Variants in TRIM9 observed in about 807,000 individuals in gnomAD.
TRIM9 encodes the protein tripartite motif containing 9.
Under a neutral mutation model 78.3 loss-of-function variants are expected in TRIM9, and 26 were observed. That is an observed-to-expected ratio of 0.33 (90% CI 0.24 to 0.46). The LOEUF (loss-of-function observed/expected upper bound fraction) is 0.46. Among genes scored for constraint, TRIM9 ranks in the 20% least tolerant of loss-of-function variants. TRIM9 has a pLI of 1.00. For synonymous variants in TRIM9, 398 were observed against 416.5 expected (o/e 0.96, Z 0.54); for missense variants, 787 against 1,036.4 (o/e 0.76, Z 3.30).
intron 2 of TRIM9, 114 bp downstream of exon 2, chr14:51,025,151 C>G: frequency 1.0e-6 from 1 of 961,498 alleles, no homozygotes. Flanking sequence ...ACAACAACCA[C>G]AAAATAGGAA....
At chr14:51,044,774 C>T (rs548976554) in intron 1 of TRIM9, among the ~76,000 whole-genome samples, 14 of 152,306 alleles carry the variant, frequency 9.2e-5, no homozygotes, top group Non-Finnish European at 1.9e-4. Flanking sequence ...CCTAATCTAA[C>T]TTGTACAAGA....
chr14:51,051,113 A>G (rs974835143), intron 1 of TRIM9, among the ~76,000 whole-genome samples: 2 of 152,238 alleles, frequency 1.3e-5, no homozygotes, highest in South Asian at 4.1e-4. Flanking sequence ...TCTAAGCATG[A>G]TGAAAAGTCA....
chr14:51,001,989 T>C (rs892823694), intron 5 of TRIM9, among the ~76,000 whole-genome samples: 25 of 152,240 alleles, frequency 1.6e-4, no homozygotes, highest in Admixed American at 6.5e-5. Context: ...GTGACTCTTT[T>C]CTAGTACTTA....
chr14:51,025,284 T>A lies in TRIM9; in HGVS notation c.899A>T (p.Asn300Ile), dbSNP rs147745993. The change falls in exon 2 of 13, where the codon AAC (asparagine) becomes ATC (isoleucine). Residue 300 changes from asparagine (N) to isoleucine (I), a missense_variant. By Grantham distance (149) the Asn-to-Ile change is moderately radical. Around this residue, in one of 3 missense-constraint regions of TRIM9, gnomAD observed 352 missense variants for 472.3 expected, o/e 0.75. Coordinates refer to ENST00000684578, the MANE Select transcript of TRIM9 (RefSeq NM_001387360.1). ...CCATACCTGGATCTGCTGGACCATG[T>A]TGCGCAGCTGTACCAGAAACTCCTT... ...EAKEFLVQLR[N>I]MVQQIQENSV... 25 of 1,614,064 alleles carry A rather than the reference T, an allele frequency of 1.5e-5. No homozygotes were observed. Among genetic ancestry groups the A allele is most frequent in the African/African-American group, 2.7e-5 (2 of 74,924 alleles).
chr14:51,071,333 G>C (rs866329295), intron 1 of TRIM9, among the ~76,000 whole-genome samples: 1 of 145,020 alleles, frequency 6.9e-6, no homozygotes, highest in African/African-American at 2.6e-5. Context: ...CCGAGACTGC[G>C]CCATTGTATT....
At chr14:51,007,277 G>A (rs1298449996) in intron 5 of TRIM9, among the ~76,000 whole-genome samples, 3 of 152,246 alleles carry the variant, frequency 2.0e-5, no homozygotes, top group Non-Finnish European at 4.4e-5. Flanking sequence ...AAAGAATTGG[G>A]AATAGAGAGA....
At chr14:50,998,922 G>A (rs1185741135) in intron 6 of TRIM9, among the ~76,000 whole-genome samples, 1 of 152,186 alleles carries the variant, frequency 6.6e-6, no homozygotes, top group African/African-American at 2.4e-5. Context: ...GCCTTAATAT[G>A]ACAACTCTCT....
chr14:51,044,751 T>C (rs2059821392), intron 1 of TRIM9, among the ~76,000 whole-genome samples: 1 of 152,212 alleles, frequency 6.6e-6, no homozygotes, highest in South Asian at 2.1e-4. Context: ...CCTTGTTTTG[T>C]TATATGGCTA....
At chr14:50,981,699 A>G (rs1412861317) in intron 11 of TRIM9, 101 bp downstream of exon 11, 12 of 1,481,426 alleles carry the variant, frequency 8.1e-6, no homozygotes, top group African/African-American at 1.4e-5. Flanking sequence ...CACCTGTTTG[A>G]TTTCCTGAAT....
intron 1 of TRIM9, among the ~76,000 whole-genome samples, chr14:51,056,554 A>G (rs945233000): frequency 6.6e-6 from 1 of 152,240 alleles, no homozygotes; most frequent in Non-Finnish European, 1.5e-5. Flanking sequence ...CAGTTTGGAA[A>G]TGTCACTTCA....
intron 3 of TRIM9, among the ~76,000 whole-genome samples, chr14:51,021,141 G>C (rs148907856): frequency 5.6e-4 from 86 of 152,294 alleles, no homozygotes; most frequent in African/African-American, 1.9e-3. Flanking sequence ...GTTTCTGAAG[G>C]GTGCTCAGAT....
At chr14:51,045,810 T>C (rs2059907670) in intron 1 of TRIM9, among the ~76,000 whole-genome samples, 1 of 152,194 alleles carries the variant, frequency 6.6e-6, no homozygotes, top group Admixed American at 6.5e-5. Context: ...CACCTTTCTT[T>C]GGTCATTAAA....
chr14:51,053,580 C>CTTTTTTTTTTTTTTTTATTTTT (rs1348456935), intron 1 of TRIM9, among the ~76,000 whole-genome samples: 1 of 74,812 alleles, frequency 1.3e-5, no homozygotes, highest in Non-Finnish European at 2.7e-5. Flanking sequence ...TTTTAATTTT[C>CTTTTTTTTTTTTTTTTATTTTT]TTTTTTTTTT....
chr14:51,000,617 C>T, intron 6 of TRIM9, 66 bp downstream of exon 6: 2 of 1,590,748 alleles, frequency 1.3e-6, no homozygotes, highest in South Asian at 1.1e-5. Flanking sequence ...CCTGAGACTC[C>T]CTGGCAGGTC....
intron 1 of TRIM9, among the ~76,000 whole-genome samples, chr14:51,066,447 A>T (rs1037285360): frequency 1.3e-5 from 2 of 152,254 alleles, no homozygotes; most frequent in East Asian, 3.9e-4. Flanking sequence ...AGGTTCTGGA[A>T]CACCACATTC....
chr14:51,021,159 C>T (rs1279900460), intron 3 of TRIM9, among the ~76,000 whole-genome samples: 1 of 152,136 alleles, frequency 6.6e-6, no homozygotes, highest in Non-Finnish European at 1.5e-5. Context: ...GATTGAAGGG[C>T]TATAGTGACA....
intron 1 of TRIM9, among the ~76,000 whole-genome samples, chr14:51,061,274 G>A (rs528173584): frequency 2.9e-3 from 437 of 152,138 alleles, no homozygotes; most frequent in Non-Finnish European, 5.1e-3. Flanking sequence ...TTAGCTGGGC[G>A]TGGTGGTGGG....
At chr14:51,085,086 T>G (rs942606047) in intron 1 of TRIM9, among the ~76,000 whole-genome samples, 5 of 152,232 alleles carry the variant, frequency 3.3e-5, no homozygotes, top group Admixed American at 3.3e-4. Flanking sequence ...AACAGTGTTA[T>G]TCTCTCAGGC....
chr14:51,029,586 G>A (rs1287223534), intron 1 of TRIM9, among the ~76,000 whole-genome samples: 3 of 151,852 alleles, frequency 2.0e-5, no homozygotes, highest in East Asian at 3.8e-4. Flanking sequence ...ACCCATTGCC[G>A]GTTACTCAGT....
Sources: gnomAD v4.1 joint callset for allele counts (sites outside exome capture counted in the v4.1 genomes callset) on GRCh38, gnomAD v4.1.1 for gene constraint, gnomAD v4.1.1 regional missense constraint, MANE v1.5 for transcripts, NCBI Gene and HGNC (gene_info 2026-07-23, HGNC 2026-07-21) for gene names.